The following CDH12 variants were observed in gnomAD, a reference collection of about 807,000 sequenced individuals.
CDH12 encodes cadherin 12, also known as cadherin-12.
Under a neutral mutation model 74.1 loss-of-function variants are expected in CDH12, and 41 were observed. That is an observed-to-expected ratio of 0.55 (90% confidence interval 0.43 to 0.72). CDH12 has a LOEUF of 0.72. Ranked by LOEUF, CDH12 falls within the 30% of genes least tolerant of loss-of-function variation. The probability of loss-of-function intolerance (pLI) is 0.00; values close to 1 mark genes in which losing one functional copy is unlikely to be tolerated. For synonymous variants in CDH12, 399 were observed against 355.0 expected, an observed-to-expected ratio of 1.12 and a Z score of -1.39; for missense variants, 945 against 977.2, an observed-to-expected ratio of 0.97 and a Z score of 0.44.
intron 6 of CDH12, among the ~76,000 whole-genome samples, chr5:21,946,661 T>TGA (rs1755591814): frequency 6.6e-6 from 1 of 152,208 alleles, no homozygotes; most frequent in Admixed American, 6.5e-5. Context: ...AGCAATAGAC[T>TGA]GCATATATCA....
chr5:22,792,168 G>A (rs1581004567), intron 1 of CDH12, among the ~76,000 whole-genome samples: 1 of 144,954 alleles, frequency 6.9e-6, no homozygotes. Context: ...GGCTCACTGT[G>A]ACCTCCGCCT....
intron 1 of CDH12, among the ~76,000 whole-genome samples, chr5:22,542,563 G>A (rs1419357130): frequency 6.6e-6 from 1 of 152,126 alleles, no homozygotes; most frequent in Non-Finnish European, 1.5e-5. Flanking sequence ...TCTCTAAGTG[G>A]ACTTCCTTAA....
intron 5 of CDH12, among the ~76,000 whole-genome samples, chr5:22,068,502 C>T (rs1741717663): frequency 6.6e-6 from 1 of 152,040 alleles, no homozygotes; most frequent in African/African-American, 2.4e-5. Flanking sequence ...TTTCATTTTG[C>T]ATAGAATTAG....
chr5:22,627,925 A>T (rs1281849612), intron 1 of CDH12, among the ~76,000 whole-genome samples: 1 of 152,154 alleles, frequency 6.6e-6, no homozygotes, highest in East Asian at 1.9e-4. Context: ...AGAAAAAAAA[A>T]GTAAGGATTA....
chr5:21,800,096 A>G (rs1226620128), intron 10 of CDH12, among the ~76,000 whole-genome samples: 12 of 152,150 alleles, frequency 7.9e-5, no homozygotes, highest in Admixed American at 1.3e-4. Context: ...ACATCTTGGA[A>G]TAGGAATATC....
intron 1 of CDH12, among the ~76,000 whole-genome samples, chr5:22,632,796 A>G (rs1738653569): frequency 6.6e-6 from 1 of 152,164 alleles, no homozygotes; most frequent in Admixed American, 6.6e-5. Flanking sequence ...GATGAAAAAT[A>G]TTAATCTCTG....
intron 1 of CDH12, among the ~76,000 whole-genome samples, chr5:22,757,123 T>G (rs747543129): frequency 2.4e-4 from 37 of 152,300 alleles, no homozygotes; most frequent in Non-Finnish European, 4.3e-4. Flanking sequence ...GTAGTGTGCC[T>G]TCTTCTTTTC....
At chr5:21,833,124 AT>A (rs1253521196) in intron 8 of CDH12, among the ~76,000 whole-genome samples, 6 of 70,874 alleles carry the variant, frequency 8.5e-5, no homozygotes, top group Non-Finnish European at 1.4e-4. Context: ...TATAATATAT[AT>A]TATATTATAA....
chr5:22,618,883 T>C (rs1173312428), intron 1 of CDH12, among the ~76,000 whole-genome samples: 1 of 152,058 alleles, frequency 6.6e-6, no homozygotes, highest in African/African-American at 2.4e-5. Flanking sequence ...GATGGTTTTA[T>C]AAAGGGAGGT....
intron 5 of CDH12, 52 bp downstream of exon 5, chr5:22,078,394 A>G: frequency 2.0e-6 from 3 of 1,490,524 alleles, no homozygotes; most frequent in South Asian, 1.1e-5. Flanking sequence ...AAAATACACA[A>G]TGCATATTCC....
Position 22,535,321 on chromosome 5 carries a change from A to T in CDH12, c.-522-29957T>A, listed in dbSNP as rs185812358. On this transcript the variant is annotated intron_variant, in intron 1 of 14. Transcript: ENST00000382254. ...AGGCGCCCGCTACCACGCCCGGCTAATTTTTTTTGTATTTTTAGTAGAGAC... is the reference window on the plus strand; with the variant it reads ...AGGCGCCCGCTACCACGCCCGGCTATTTTTTTTTGTATTTTTAGTAGAGAC... Among the ~76,000 whole-genome samples, 1,466 of 151,084 alleles carry T rather than the reference A, an allele frequency of 9.7e-3. 99 individuals are homozygous for T. The East Asian group carries it at 0.19, about 20-fold the overall frequency.
At position 21,883,960 on chromosome 5, in the gene CDH12, C is replaced by G. The variant is rs551271280; in HGVS notation, c.527-29170G>C. On this transcript the variant is annotated intron_variant, in intron 6 of 14. Transcript: ENST00000382254. ...CCAGCCTTGGACTCATTGACTCCAG[C>G]TAATGAAGATCAAAAAATTGGTATG... The G allele has an allele frequency of 5.0e-6, 8 of 1,605,626 alleles. No individual in the cohort carries two copies. The African/African-American group carries it at 1.1e-4, about 21-fold the overall frequency.
Position 21,975,337 on chromosome 5 carries a change from A to T in CDH12, c.280T>A (p.Ser94Thr), listed in dbSNP as rs1295637114. Residue 94 changes from serine (S) to threonine (T), a missense_variant, in exon 6 of 15, where the codon TCA (serine) becomes ACA (threonine). Transcript: ENST00000382254. ...AAAACGGTGCCAGCGCCATCTCCTGAGAGGGTGTATTTCACAGTGCCCTCT... is the reference window on the plus strand; with the variant it reads ...AAAACGGTGCCAGCGCCATCTCCTGTGAGGGTGTATTTCACAGTGCCCTCT... The part of the protein sequence containing the change: ...KGEGTVKYTL[S>T]GDGAGTVFTI... The T allele has an allele frequency of 1.3e-6, 2 of 1,597,024 alleles. No individual in the cohort carries two copies. The highest frequency in any genetic ancestry group is 2.7e-5 in the African/African-American group (2 of 74,786).
chr5:21,800,538 A>G (rs1747052477), intron 10 of CDH12, among the ~76,000 whole-genome samples: 1 of 152,174 alleles, frequency 6.6e-6, no homozygotes, highest in Non-Finnish European at 1.5e-5. Context: ...CAGTGTCTGG[A>G]AACAAGGAGA....
At chr5:21,778,931 A>T (rs1745753292) in intron 11 of CDH12, among the ~76,000 whole-genome samples, 1 of 152,192 alleles carries the variant, frequency 6.6e-6, no homozygotes, top group African/African-American at 2.4e-5. Flanking sequence ...TAAAATAGCT[A>T]TATAGAAGAT....
chr5:22,101,397 C>G (rs1257928589), intron 4 of CDH12, among the ~76,000 whole-genome samples: 1 of 152,126 alleles, frequency 6.6e-6, no homozygotes, highest in Non-Finnish European at 1.5e-5. Flanking sequence ...TTATAGAACA[C>G]AACTGTTTTT....
chr5:22,363,181 G>A (rs915449490), intron 3 of CDH12, among the ~76,000 whole-genome samples: 1 of 151,896 alleles, frequency 6.6e-6, no homozygotes, highest in African/African-American at 2.4e-5. Context: ...AGAAAAATTG[G>A]TAACTAAAGT....
At chr5:22,138,558 A>G (rs1447408378) in intron 4 of CDH12, among the ~76,000 whole-genome samples, 1 of 150,966 alleles carries the variant, frequency 6.6e-6, no homozygotes, top group Non-Finnish European at 1.5e-5. Context: ...ATTTATCAAA[A>G]GGTTATTTAA....
intron 1 of CDH12, among the ~76,000 whole-genome samples, chr5:22,520,730 C>A (rs1244143814): frequency 1.3e-5 from 2 of 151,978 alleles, no homozygotes; most frequent in African/African-American, 4.8e-5. Flanking sequence ...GCAAACAGGA[C>A]TTATTAGTTG....
Sources: allele counts gnomAD v4.1 joint callset (sites outside exome capture counted in the v4.1 genomes callset), GRCh38; gene constraint gnomAD v4.1.1; transcripts MANE v1.5; gene names NCBI Gene and HGNC (gene_info 2026-07-23, HGNC 2026-07-21).